UBE4B: variants seen among roughly 807,000 people sequenced by gnomAD.
The protein encoded by UBE4B is ubiquitination factor E4B.
UBE4B carries 27 observed loss-of-function variants against 148.1 expected under a neutral mutation model. The ratio of observed to expected loss-of-function variants is 0.18; its 90% CI spans 0.13 to 0.25. The LOEUF is 0.25. UBE4B is among the 10% of genes least tolerant of loss of function. The pLI is 1.00. For missense variants in UBE4B, 1,170 were observed against 1,662.4 expected, an observed-to-expected ratio of 0.70 and a Z score of 5.15; for synonymous variants, 596 against 619.3, an observed-to-expected ratio of 0.96 and a Z score of 0.56.
chr1:10,105,765 A>T, intron 6 of UBE4B, 21 bp downstream of exon 6: 1 of 1,606,726 alleles, frequency 6.2e-7, no homozygotes, highest in Non-Finnish European at 8.5e-7. Context: ...TTCTCTTTGC[A>T]CATCTTACTG....
chr1:10,087,882 A>C (rs1267378897), intron 2 of UBE4B, among the ~76,000 whole-genome samples: 1 of 152,214 alleles, frequency 6.6e-6, no homozygotes, highest in African/African-American at 2.4e-5. Context: ...CTGGAATTCT[A>C]TGAGGAAAAC....
chr1:10,128,108 ATTGT>A lies in UBE4B; in HGVS notation c.1638+1235_1638+1238del, dbSNP rs534932729. 1.5e-4 allele frequency among the ~76,000 whole-genome samples: 23 copies of A among 152,292 alleles called. 1 individual carries two copies. The South Asian group carries it at 4.8e-3, about 32-fold the overall frequency. ...AGATAAAAGGAAGTGGAATAATCTG[ATTGT>A]TTGAGTTCAGTGATGAAATATTTTA... On this transcript the variant is annotated intron_variant, in intron 11 of 27. Transcript: ENST00000343090.
intron 7 of UBE4B, among the ~76,000 whole-genome samples, chr1:10,112,943 A>T (rs765939094): frequency 3.3e-5 from 5 of 152,208 alleles, no homozygotes; most frequent in African/African-American, 4.8e-5. Flanking sequence ...GTTTGGTTAA[A>T]GCTTTGTTTA....
chr1:10,051,652 G>A (rs1380416861), intron 1 of UBE4B, among the ~76,000 whole-genome samples: 1 of 152,182 alleles, frequency 6.6e-6, no homozygotes, highest in African/African-American at 2.4e-5. Context: ...AATGTACTAA[G>A]AGGGTGAAGG....
At chr1:10,038,096 C>G (rs1238530514) in intron 1 of UBE4B, among the ~76,000 whole-genome samples, 1 of 151,858 alleles carries the variant, frequency 6.6e-6, no homozygotes, top group Non-Finnish European at 1.5e-5. Flanking sequence ...GCCTGTCCAA[C>G]ATGGAGAAAC....
intron 2 of UBE4B, among the ~76,000 whole-genome samples, chr1:10,077,006 A>G (rs1253221258): frequency 6.6e-6 from 1 of 151,682 alleles, no homozygotes; most frequent in Non-Finnish European, 1.5e-5. Flanking sequence ...CAGCCTCCCA[A>G]AGTGTTGGGA....
Position 10,161,999 on chromosome 1 carries a change from CTTT to C in UBE4B, c.3198+727_3198+729del, listed in dbSNP as rs764089127. ...GGGGACTGCTTTTTCTTCACTTTTT[CTTT>C]TTTTTTTTTTTTTGAGACGGAGTTT... On this transcript the variant is annotated intron_variant, in intron 23 of 27. Coordinates refer to ENST00000343090, the MANE Select transcript of UBE4B (RefSeq NM_001105562.3). The surrounding 1 kb of genome is among the most constrained non-coding windows in gnomAD (Gnocchi z 4.1). Among the ~76,000 whole-genome samples the C allele has an allele frequency of 2.2e-5, 3 of 137,242 alleles. No individual in the cohort carries two copies. Among genetic ancestry groups the C allele is most frequent in the African/African-American group, 2.7e-5 (1 of 37,434 alleles). The allele number at this position is 137,242 out of a possible 152,430, so 90.0% of individuals were successfully genotyped here. A position where few individuals can be genotyped will look rare whatever the true frequency, so the allele number is the denominator to read the frequency against.
chr1:10,172,717 T>C (rs1486886836), intron 25 of UBE4B, among the ~76,000 whole-genome samples: 1 of 152,160 alleles, frequency 6.6e-6, no homozygotes, highest in Non-Finnish European at 1.5e-5. Context: ...AATGACAGCT[T>C]TATTGAGCTA....
At chr1:10,108,508 T>A (rs945769516) in intron 7 of UBE4B, among the ~76,000 whole-genome samples, 4 of 152,202 alleles carry the variant, frequency 2.6e-5, no homozygotes, top group Admixed American at 6.5e-5. Flanking sequence ...TTTCTAATCC[T>A]CTGACTCATT....
chr1:10,179,163 G>T, intron 26 of UBE4B: 1 of 506,362 alleles, frequency 2.0e-6, no homozygotes, highest in Non-Finnish European at 3.4e-6. Flanking sequence ...GGGGCCTGCT[G>T]CTGGGTCTGT....
intron 25 of UBE4B, among the ~76,000 whole-genome samples, chr1:10,176,515 A>C (rs1646431155): frequency 6.6e-6 from 1 of 151,986 alleles, no homozygotes; most frequent in African/African-American, 2.4e-5. Context: ...GGTTTAGTTT[A>C]TATTCTTTCC....
In UBE4B at chr1:10,180,001, G is replaced by A. The variant is rs775930352; in HGVS notation, c.*45G>A. On this transcript the variant is annotated 3_prime_UTR_variant, in exon 28 of 28. Coordinates refer to ENST00000343090, the MANE Select transcript of UBE4B (RefSeq NM_001105562.3). The stretch of plus-strand genomic sequence containing the variant: ...TCTGCTAGACACAGCCAAGGCCAAC[G>A]AGGCAAGCAGAAGCAGCGGCCGCAG... 9.9e-6 allele frequency: 16 copies of A among 1,610,216 alleles called. No individual in the cohort carries two copies. Among genetic ancestry groups the A allele is most frequent in the African/African-American group, 5.4e-5 (4 of 74,762 alleles).
chr1:10,166,518 T>G (rs983476314), intron 23 of UBE4B, among the ~76,000 whole-genome samples: 1 of 152,202 alleles, frequency 6.6e-6, no homozygotes, highest in Admixed American at 6.5e-5. Context: ...CTGAGCACGG[T>G]GGCTTACACT....
In UBE4B at chr1:10,081,538, C is replaced by A. The variant is rs554272982; in HGVS notation, c.211+9324C>A. Among the ~76,000 whole-genome samples the A allele has an allele frequency of 3.1e-4, 47 of 152,050 alleles. No homozygotes were observed. In the South Asian group the frequency reaches 9.4e-3, roughly 30 times the overall value. On this transcript the variant is annotated intron_variant, in intron 2 of 27. Coordinates refer to ENST00000343090, the MANE Select transcript of UBE4B (RefSeq NM_001105562.3). Reference sequence around the variant, plus strand: ...CTCCCAGGCTCAAGTGATCCTTTTACCTCAGCCTCCCAAGTAGCTGGGACT... The same window carrying A: ...CTCCCAGGCTCAAGTGATCCTTTTAACTCAGCCTCCCAAGTAGCTGGGACT...
chr1:10,125,262 G>C (rs995267115), intron 10 of UBE4B, among the ~76,000 whole-genome samples: 4 of 152,168 alleles, frequency 2.6e-5, no homozygotes, highest in Admixed American at 2.6e-4. Flanking sequence ...GATTTTTCAG[G>C]ACAACCAGTT....
intron 3 of UBE4B, among the ~76,000 whole-genome samples, chr1:10,095,837 T>C (rs1644920895): frequency 6.6e-6 from 1 of 152,224 alleles, no homozygotes; most frequent in Non-Finnish European, 1.5e-5. Flanking sequence ...AGTGGTGCGA[T>C]CATGGCTCAC....
rs147817631 is a variant in UBE4B, at chr1:10,146,408, C to T, written c.2464-555C>T. Among the ~76,000 whole-genome samples, 222 of 152,220 alleles carry T rather than the reference C, an allele frequency of 1.5e-3. 1 individual carries two copies. The highest frequency in any genetic ancestry group is 5.1e-3 in the African/African-American group (213 of 41,538). ...CAGAGGTTGCAGTGAGCCAAGATCG[C>T]GCCACTGCACTTCAGCCTGGGCAAC... On this transcript the variant is annotated intron_variant, in intron 18 of 27. Coordinates refer to ENST00000343090, the MANE Select transcript of UBE4B (RefSeq NM_001105562.3).
At chr1:10,148,710 T>C (rs11121522) in intron 19 of UBE4B, among the ~76,000 whole-genome samples, 38,080 of 148,106 alleles carry the variant, frequency 0.26, 8,433 homozygotes, top group African/African-American at 0.61. Flanking sequence ...GAGGCCAAGA[T>C]GGGTGGATCA....
Position 10,122,061 on chromosome 1 carries a change from A to G in UBE4B, c.1539A>G (p.Glu513=). ...TGGTGAGAACCACTCACCAGGATGAAGAAGTGTTCAAGCAGGTACGGTCGT... is the reference window on the plus strand; with the variant it reads ...TGGTGAGAACCACTCACCAGGATGAGGAAGTGTTCAAGCAGGTACGGTCGT... The part of the protein sequence containing the change: ...QELVRTTHQD[E]EVFKQIFIPI... The change falls in exon 10 of 28, where the codon GAA becomes GAG. Residue 513 remains glutamate, a synonymous_variant. Transcript: ENST00000343090. 6.2e-7 allele frequency: 1 copy of G among 1,612,892 alleles called. No homozygotes were observed. Among genetic ancestry groups the G allele is most frequent in the Non-Finnish European group, 8.5e-7 (1 of 1,179,262 alleles).
Sources: gnomAD v4.1 joint callset for allele counts (sites outside exome capture counted in the v4.1 genomes callset) on GRCh38, gnomAD v4.1.1 for gene constraint, Gnocchi (gnomAD v3.1) non-coding constraint, MANE v1.5 for transcripts, NCBI Gene and HGNC (gene_info 2026-07-23, HGNC 2026-07-21) for gene names.